LUZP2: variants seen among roughly 807,000 people sequenced by gnomAD.
LUZP2 encodes leucine zipper protein 2.
LUZP2 carries 52 observed loss-of-function variants against 51.6 expected under a neutral mutation model. The ratio of observed to expected loss-of-function variants is 1.01; its 90% CI spans 0.81 to 1.27. The LOEUF (loss-of-function observed/expected upper bound fraction) is 1.27, where lower values mean the gene tolerates loss of function less well. LUZP2 is among the 50% of genes most tolerant of loss of function. The pLI, the probability that LUZP2 is intolerant of heterozygous loss-of-function variation, is 0.00. For synonymous variants in LUZP2, 154 were observed against 137.3 expected (o/e 1.12, Z -0.85); for missense variants, 436 against 395.4 (o/e 1.10, Z -0.87).
At chr11:24,702,105 G>A (rs1199787696) in intron 1 of LUZP2, among the ~76,000 whole-genome samples, 2 of 152,134 alleles carry the variant, frequency 1.3e-5, no homozygotes, top group Non-Finnish European at 2.9e-5. Flanking sequence ...CTGAAAATCT[G>A]AGTATGTAGT....
intron 5 of LUZP2, among the ~76,000 whole-genome samples, chr11:24,870,813 T>A (rs896366005): frequency 6.6e-6 from 1 of 152,168 alleles, no homozygotes; most frequent in Non-Finnish European, 1.5e-5. Flanking sequence ...TTCATCCTGA[T>A]CATTTCGTTG....
intron 5 of LUZP2, among the ~76,000 whole-genome samples, chr11:24,875,193 C>A (rs1852208750): frequency 6.6e-6 from 1 of 150,564 alleles, no homozygotes; most frequent in Non-Finnish European, 1.5e-5. Context: ...TGCTGGTGTG[C>A]TGCACCCATT....
chr11:24,944,816 A>G (rs1854855733), intron 7 of LUZP2, among the ~76,000 whole-genome samples: 1 of 152,186 alleles, frequency 6.6e-6, no homozygotes, highest in African/African-American at 2.4e-5. Context: ...TCAGAGCTGA[A>G]AGACATGCCT....
intron 5 of LUZP2, among the ~76,000 whole-genome samples, chr11:24,826,453 C>A (rs1423552301): frequency 2.6e-5 from 4 of 151,514 alleles, no homozygotes; most frequent in Non-Finnish European, 5.9e-5. Context: ...CTATGTCGAG[C>A]CTTCCTCAGA....
At chr11:25,044,341 T>C (rs1254591674) in intron 9 of LUZP2, among the ~76,000 whole-genome samples, 2 of 145,862 alleles carry the variant, frequency 1.4e-5, no homozygotes, top group South Asian at 2.2e-4. Context: ...AAATCCATAT[T>C]CCTTTCACTC....
rs367630511 is a variant in LUZP2, at chr11:24,906,044, C to A, written c.450C>A (p.His150Gln). Residue 150 changes from histidine to glutamine, a missense_variant, in exon 6 of 12, where the codon CAC becomes CAA. His to Gln is a conservative substitution (Grantham distance 24, BLOSUM62 0). Transcript: ENST00000336930. ...LLSGNKLCGI[H>Q]AEESKKIQAQ... ...CAGGAAACAAGCTCTGTGGCATTCA[C>A]GCAGAAGAGGTGAGTAAATTTTTGC... 2 of 1,612,336 alleles carry A rather than the reference C, an allele frequency of 1.2e-6. No individual in the cohort carries two copies. The highest frequency in any genetic ancestry group is 8.5e-7 in the Non-Finnish European group (1 of 1,178,936).
chr11:24,898,710 T>TA (rs1291567421), intron 5 of LUZP2, among the ~76,000 whole-genome samples: 1 of 152,264 alleles, frequency 6.6e-6, no homozygotes, highest in Non-Finnish European at 1.5e-5. Context: ...ATTTCTTGTG[T>TA]AAAAAATAAG....
At chr11:25,007,803 A>T (rs1236095825) in intron 9 of LUZP2, among the ~76,000 whole-genome samples, 5 of 152,198 alleles carry the variant, frequency 3.3e-5, no homozygotes, top group Non-Finnish European at 7.3e-5. Context: ...TGTGGACTTA[A>T]TCATGAATAT....
chr11:24,755,809 C>CA (rs1218446302), intron 4 of LUZP2, among the ~76,000 whole-genome samples: 1 of 152,090 alleles, frequency 6.6e-6, no homozygotes, highest in Non-Finnish European at 1.5e-5. Flanking sequence ...CATCGCATGA[C>CA]AAATAAAGAA....
At chr11:24,991,774 A>G (rs1352433385) in intron 9 of LUZP2, among the ~76,000 whole-genome samples, 4 of 152,062 alleles carry the variant, frequency 2.6e-5, no homozygotes, top group African/African-American at 9.7e-5. Context: ...TGCAGAAGTA[A>G]GGAGGTATTG....
At chr11:24,835,031 C>T (rs921876197) in intron 5 of LUZP2, among the ~76,000 whole-genome samples, 2 of 151,976 alleles carry the variant, frequency 1.3e-5, no homozygotes, top group Non-Finnish European at 2.9e-5. Context: ...AAGTTTTCTC[C>T]CATTCTGTAG....
At chr11:24,975,112 C>G (rs1306685913) in intron 7 of LUZP2, among the ~76,000 whole-genome samples, 4 of 151,944 alleles carry the variant, frequency 2.6e-5, no homozygotes, top group African/African-American at 9.7e-5. Flanking sequence ...ATTCTGTTTT[C>G]TAGCTTCACT....
intron 9 of LUZP2, among the ~76,000 whole-genome samples, chr11:25,044,616 T>G (rs1357245618): frequency 4.6e-5 from 7 of 152,152 alleles, no homozygotes; most frequent in Non-Finnish European, 1.0e-4. Context: ...ATGGTGGGAC[T>G]GTAAACTAGT....
intron 7 of LUZP2, among the ~76,000 whole-genome samples, chr11:24,937,877 G>A (rs1255415057): frequency 1.3e-5 from 2 of 151,066 alleles, no homozygotes; most frequent in African/African-American, 4.9e-5. Context: ...CTCCAGCCTG[G>A]GCGACAGGGC....
intron 9 of LUZP2, among the ~76,000 whole-genome samples, chr11:25,047,123 C>T (rs942525352): frequency 1.3e-5 from 2 of 151,928 alleles, no homozygotes; most frequent in Admixed American, 6.6e-5. Context: ...TCAATCCATT[C>T]TTCATGATTT....
intron 10 of LUZP2, among the ~76,000 whole-genome samples, chr11:25,057,948 G>T (rs1055231999): frequency 1.3e-5 from 2 of 152,072 alleles, no homozygotes; most frequent in Admixed American, 6.5e-5. Context: ...AATCTAGTTT[G>T]CTATTATATC....
chr11:24,795,311 G>A (rs527334077), intron 5 of LUZP2, among the ~76,000 whole-genome samples: 45 of 151,754 alleles, frequency 3.0e-4, no homozygotes, highest in African/African-American at 1.1e-3. Flanking sequence ...GAGAAAAATT[G>A]GCAAATGGTC....
intron 1 of LUZP2, among the ~76,000 whole-genome samples, chr11:24,501,431 G>A (rs142522607): frequency 1.3e-5 from 2 of 152,182 alleles, no homozygotes; most frequent in Admixed American, 1.3e-4. Flanking sequence ...TAACTAAGAA[G>A]CAAAGATCAC....
At chr11:24,633,951 T>G (rs1854984007) in intron 1 of LUZP2, among the ~76,000 whole-genome samples, 1 of 127,124 alleles carries the variant, frequency 7.9e-6, no homozygotes, top group Non-Finnish European at 1.7e-5. Context: ...TGTGTGTGTG[T>G]GTGTGTGTGT....
Sources: allele counts gnomAD v4.1 joint callset (sites outside exome capture counted in the v4.1 genomes callset), GRCh38; gene constraint gnomAD v4.1.1; transcripts MANE v1.5; gene names NCBI Gene and HGNC (gene_info 2026-07-23, HGNC 2026-07-21).